Variants in ADAMTS5 observed in about 807,000 individuals in gnomAD.
ADAMTS5 encodes A disintegrin and metalloproteinase with thrombospondin motifs 5.
A neutral mutation model predicts 81.4 loss-of-function variants in ADAMTS5; 54 were observed. That is an observed-to-expected ratio of 0.66 (90% CI 0.53 to 0.83). The LOEUF is 0.83. Ranked by LOEUF, ADAMTS5 falls within the 40% of genes least tolerant of loss-of-function variation. The pLI, the probability that ADAMTS5 is intolerant of heterozygous loss-of-function variation, is 0.00. For missense variants in ADAMTS5, 1,194 were observed against 1,229.9 expected, an observed-to-expected ratio of 0.97 and a Z score of 0.44; for synonymous variants, 532 against 508.8, an observed-to-expected ratio of 1.05 and a Z score of -0.61.
At chr21:26,930,639 G>T (rs899945451) in intron 6 of ADAMTS5, among the ~76,000 whole-genome samples, 3 of 152,124 alleles carry the variant, frequency 2.0e-5, no homozygotes, top group African/African-American at 7.2e-5. Flanking sequence ...GGAAGAGACT[G>T]AATATATTTT....
At position 26,966,680 on chromosome 21, in the gene ADAMTS5, G is replaced by T. The variant is rs1287088380; in HGVS notation, c.-289C>A. On this transcript the variant is annotated 5_prime_UTR_variant, in exon 1 of 8. Transcript: ENST00000284987. The stretch of plus-strand genomic sequence containing the variant: ...ATTAAAAAAAAAAAGTCGGATAGTG[G>T]AGATTCAGCAAATACGGGAAAAGGA... Among the ~76,000 whole-genome samples the T allele has an allele frequency of 2.7e-5, 4 of 150,760 alleles. No individual in the cohort carries two copies. Among genetic ancestry groups the T allele is most frequent in the Non-Finnish European group, 5.9e-5 (4 of 67,710 alleles).
chr21:26,920,387 A>C lies in ADAMTS5; in HGVS notation c.*3666T>G, dbSNP rs1459258680. Reference sequence around the variant, plus strand: ...TGGGATTCAACAGCAGTAGGAAAACATCACATTCTCTTAATGGACACCCCA... The same window carrying C: ...TGGGATTCAACAGCAGTAGGAAAACCTCACATTCTCTTAATGGACACCCCA... On this transcript the variant is annotated 3_prime_UTR_variant, in exon 8 of 8. Transcript: ENST00000284987. 1 of 152,116 alleles carries C rather than the reference A, an allele frequency of 6.6e-6. No homozygotes were observed. The highest frequency in any genetic ancestry group is 6.6e-5 in the Admixed American group (1 of 15,260). The allele number at this position is 152,116 out of a possible 1,614,324, so 9.4% of individuals were successfully genotyped here.
chr21:26,935,726 C>A (rs191787245), intron 3 of ADAMTS5, among the ~76,000 whole-genome samples: 1 of 152,124 alleles, frequency 6.6e-6, no homozygotes, highest in African/African-American at 2.4e-5. Context: ...TCCTCTTCCT[C>A]TCCTTCCCCT....
chr21:26,933,227 A>C (rs1165345174), intron 4 of ADAMTS5, among the ~76,000 whole-genome samples, 183 bp from the exon 5 acceptor site: 1 of 152,170 alleles, frequency 6.6e-6, no homozygotes, highest in Non-Finnish European at 1.5e-5. Context: ...TAAGCAATTC[A>C]TCTTTTCCAC....
At chr21:26,944,059 T>A (rs1987167624) in intron 2 of ADAMTS5, among the ~76,000 whole-genome samples, 1 of 152,140 alleles carries the variant, frequency 6.6e-6, no homozygotes, top group Non-Finnish European at 1.5e-5. Context: ...CTTAGTCAAG[T>A]AAATAGGTGG....
chr21:26,947,173 T>C (rs1439205427), intron 2 of ADAMTS5, among the ~76,000 whole-genome samples: 1 of 152,238 alleles, frequency 6.6e-6, no homozygotes, highest in Non-Finnish European at 1.5e-5. Context: ...TACAATACTC[T>C]TTCTCAGCTA....
chr21:26,952,377 A>G (rs1177103166), intron 2 of ADAMTS5, among the ~76,000 whole-genome samples: 2 of 152,208 alleles, frequency 1.3e-5, no homozygotes, highest in African/African-American at 2.4e-5. Flanking sequence ...TAGTTTTAAT[A>G]TAACGTTTGT....
chr21:26,966,593 T>C lies in ADAMTS5; in HGVS notation c.-202A>G, dbSNP rs1385811562. 2.1e-5 allele frequency: 3 copies of C among 142,342 alleles called. No individual in the cohort carries two copies. The highest frequency in any genetic ancestry group is 3.6e-5 in the African/African-American group (1 of 27,654). 8.8% of individuals were successfully genotyped at this position (142,342 alleles called of 1,614,324 possible). A position where few individuals can be genotyped will look rare whatever the true frequency, so the allele number is the denominator to read the frequency against. ...AGCGTGCGAACTTTTCTTTGTTGCTTGGGAAAATGTTTGGATTCGTGCTCC... is the reference window on the plus strand; with the variant it reads ...AGCGTGCGAACTTTTCTTTGTTGCTCGGGAAAATGTTTGGATTCGTGCTCC... On this transcript the variant is annotated 5_prime_UTR_variant, in exon 1 of 8. Transcript: ENST00000284987.
chr21:26,951,091 G>T (rs1226441995), intron 2 of ADAMTS5, among the ~76,000 whole-genome samples: 1 of 152,080 alleles, frequency 6.6e-6, no homozygotes, highest in Non-Finnish European at 1.5e-5. Flanking sequence ...GAACTAAAAA[G>T]AAAATTTTGA....
chr21:26,954,924 C>T, intron 1 of ADAMTS5, 53 bp from the exon 2 acceptor site: 1 of 1,599,440 alleles, frequency 6.3e-7, no homozygotes. Context: ...CCAGAAGGAG[C>T]CGCCACATAG....
intron 2 of ADAMTS5, among the ~76,000 whole-genome samples, chr21:26,949,848 G>A (rs989312219): frequency 5.3e-5 from 8 of 152,140 alleles, no homozygotes; most frequent in Admixed American, 3.3e-4. Context: ...AGTTTCCTTC[G>A]AACTTTACAT....
intron 1 of ADAMTS5, among the ~76,000 whole-genome samples, chr21:26,957,357 A>G (rs1248553895): frequency 6.6e-6 from 1 of 152,174 alleles, no homozygotes; most frequent in East Asian, 1.9e-4. Flanking sequence ...GTATACATAT[A>G]TACACATTTG....
Position 26,932,037 on chromosome 21 carries a change from CT to C in ADAMTS5, c.2015del (p.Lys672ArgfsTer13). The C allele has an allele frequency of 2.5e-6, 4 of 1,614,048 alleles. No homozygotes were observed. The highest frequency in any genetic ancestry group is 3.4e-6 in the Non-Finnish European group (4 of 1,179,936). ...AAAATACCACATAGTAGCCAGTGCC[CT>C]TGGCTCTGCAGGTCAGCTTGCACAC... Reference protein sequence around the residue: ...ADVCKLTCRAKGTGYYVVFSP... With the variant: ...ADVCKLTCRAXGTGYYVVFSP... On this transcript the variant is annotated frameshift_variant, in exon 6 of 8. Coordinates refer to ENST00000284987, the MANE Select transcript of ADAMTS5 (RefSeq NM_007038.5). LOFTEE classifies it high-confidence loss of function.
intron 2 of ADAMTS5, among the ~76,000 whole-genome samples, chr21:26,951,570 T>C (rs1334250205): frequency 6.7e-6 from 1 of 150,348 alleles, no homozygotes; most frequent in Admixed American, 6.6e-5. Flanking sequence ...TCCCAGCTGC[T>C]TGGGGGGCTG....
At chr21:26,925,907 C>G (rs565245958) in intron 7 of ADAMTS5, among the ~76,000 whole-genome samples, 5 of 152,334 alleles carry the variant, frequency 3.3e-5, no homozygotes, top group Admixed American at 2.0e-4. Flanking sequence ...CTTATTCTGT[C>G]TAACTCGATT....
chr21:26,950,443 A>G lies in ADAMTS5; in HGVS notation c.1237+4296T>C, dbSNP rs1002393860. Among the ~76,000 whole-genome samples, 8 of 152,316 alleles carry G rather than the reference A, an allele frequency of 5.3e-5. No individual in the cohort carries two copies. In the East Asian group the frequency reaches 9.6e-4, roughly 18 times the overall value. On this transcript the variant is annotated intron_variant, in intron 2 of 7. Coordinates refer to ENST00000284987, the MANE Select transcript of ADAMTS5 (RefSeq NM_007038.5). Reference sequence around the variant, plus strand: ...CATTTGGATTGTAAAGTGGCTGTAAACACATTCCTGCCTCCACTCGAGGAA... The same window carrying G: ...CATTTGGATTGTAAAGTGGCTGTAAGCACATTCCTGCCTCCACTCGAGGAA...
intron 3 of ADAMTS5, among the ~76,000 whole-genome samples, chr21:26,937,706 G>C (rs535260968): frequency 6.6e-6 from 1 of 152,258 alleles, no homozygotes; most frequent in East Asian, 1.9e-4. Context: ...AGGAGTAAAA[G>C]GGGAAACTGA....
chr21:26,930,185 A>AC, intron 6 of ADAMTS5, 124 bp from the exon 7 acceptor site: 2 of 921,994 alleles, frequency 2.2e-6, no homozygotes, highest in Non-Finnish European at 3.1e-6. Flanking sequence ...CCATTGAAAA[A>AC]AAAAAAAGCC....
At chr21:26,947,937 A>C (rs1312845959) in intron 2 of ADAMTS5, among the ~76,000 whole-genome samples, 2 of 152,236 alleles carry the variant, frequency 1.3e-5, no homozygotes, top group African/African-American at 4.8e-5. Flanking sequence ...TAAAGTCTAT[A>C]GGACTGAGAG....
Sources: allele counts gnomAD v4.1 joint callset (sites outside exome capture counted in the v4.1 genomes callset), GRCh38; gene constraint gnomAD v4.1.1; transcripts MANE v1.5; gene names NCBI Gene and HGNC (gene_info 2026-07-23, HGNC 2026-07-21).